The following MED17 variants were observed in gnomAD, a reference collection of about 807,000 sequenced individuals.
The protein encoded by MED17 is mediator of RNA polymerase II transcription subunit 17.
MED17 carries 49 observed loss-of-function variants against 80.8 expected under a neutral mutation model. That is an observed-to-expected ratio of 0.61 (90% CI 0.48 to 0.77). MED17 has a LOEUF of 0.77. MED17 is among the 30% of genes least tolerant of loss of function. The probability of loss-of-function intolerance (pLI) is 0.00; values close to 1 mark genes in which losing one functional copy is unlikely to be tolerated. For missense variants in MED17, 718 were observed against 787.0 expected (o/e 0.91, Z 1.05); for synonymous variants, 281 against 280.4 (o/e 1.00, Z -0.02).
intron 6 of MED17, 87 bp downstream of exon 6, chr11:93,795,147 G>A: frequency 7.1e-7 from 1 of 1,412,786 alleles, no homozygotes. Context: ...GGGTGTATTG[G>A]GAGAATAATG....
At chr11:93,808,091 T>G (rs1944044749) in intron 10 of MED17, 1 of 190,924 alleles carries the variant, frequency 5.2e-6, no homozygotes, top group Admixed American at 5.5e-5. Context: ...AGGCTGGGTA[T>G]GGTGGTTTGC....
chr11:93,808,840 G>C (rs910964747), intron 10 of MED17: 1 of 152,298 alleles, frequency 6.6e-6, no homozygotes, highest in African/African-American at 2.4e-5. Context: ...CTTGCAAATG[G>C]ATAGGGATCA....
At position 93,813,476 on chromosome 11, in the gene MED17, T is replaced by G. The variant is rs981040783; in HGVS notation, c.*1412T>G. The G allele has an allele frequency of 1.3e-5, 2 of 152,206 alleles. No individual in the cohort carries two copies. Among genetic ancestry groups the G allele is most frequent in the Non-Finnish European group, 2.9e-5 (2 of 68,036 alleles). The allele number at this position is 152,206 out of a possible 1,614,324, so 9.4% of individuals were successfully genotyped here. A position where few individuals can be genotyped will look rare whatever the true frequency, so the allele number is the denominator to read the frequency against. On this transcript the variant is annotated 3_prime_UTR_variant, in exon 12 of 12. Transcript: ENST00000251871. ...ATTATTGTTGCCTGCAAAATTTGCC[T>G]TGGTCAATAGGCTAATCTGCACAAT...
Position 93,784,653 on chromosome 11 carries a change from T to C in MED17, c.140T>C (p.Ile47Thr). 6.4e-7 allele frequency: 1 copy of C among 1,569,752 alleles called. No individual in the cohort carries two copies. The highest frequency in any genetic ancestry group is 8.6e-7 in the Non-Finnish European group (1 of 1,158,274). The change falls in exon 1 of 12, where the codon ATA (isoleucine) becomes ACA (threonine). Residue 47 changes from isoleucine (I) to threonine (T), a missense_variant. Physicochemically the swap from Ile to Thr is moderately conservative, Grantham distance 89 (BLOSUM62 -1). Coordinates refer to ENST00000251871, the MANE Select transcript of MED17 (RefSeq NM_004268.5). ...AATCTGGCGCGTCTGGCCCAGCGGA[T>C]AGACTTCAGCCAGGGTTCGGGCTCC... ...SQNLARLAQR[I>T]DFSQGSGSEE...
rs1053647439 is a variant in MED17 at position 93,788,434 on chromosome 11, C to A, written c.417+267C>A. On this transcript the variant is annotated intron_variant, in intron 2 of 11. Coordinates refer to ENST00000251871, the MANE Select transcript of MED17 (RefSeq NM_004268.5). ...TGGTGGCTCACGCCTGTAATCCCAG[C>A]ACTTTGGGAGGCCAAGGCGGGCAGA... 18 of 314,272 alleles carry A rather than the reference C, an allele frequency of 5.7e-5. No homozygotes were observed. In the Admixed American group the frequency reaches 6.9e-4, roughly 12 times the overall value. 19.5% of individuals were successfully genotyped at this position (314,272 alleles called of 1,614,324 possible). A position where few individuals can be genotyped will look rare whatever the true frequency, so the allele number is the denominator to read the frequency against.
intron 3 of MED17, among the ~76,000 whole-genome samples, chr11:93,791,140 G>A (rs907487797): frequency 5.3e-5 from 8 of 152,134 alleles, no homozygotes; most frequent in African/African-American, 1.4e-4. Context: ...TTCTGTGTAA[G>A]TATAATGTTA....
intron 9 of MED17, 70 bp from the exon 10 acceptor site, chr11:93,807,448 G>A (rs552331871): frequency 1.5e-5 from 13 of 895,448 alleles, no homozygotes; most frequent in Middle Eastern, 2.1e-4. Flanking sequence ...TGATGTTAAC[G>A]TTTATTATTT....
chr11:93,790,160 C>T (rs1943818271), intron 2 of MED17: 1 of 261,570 alleles, frequency 3.8e-6, no homozygotes. Context: ...GTGATTTCTG[C>T]CATCATGCAG....
Position 93,784,776 on chromosome 11 carries a change from T to C in MED17, c.250+13T>C. 6.5e-7 allele frequency: 1 copy of C among 1,535,666 alleles called. No homozygotes were observed. The highest frequency in any genetic ancestry group is 8.7e-7 in the Non-Finnish European group (1 of 1,147,128). ...GACGACGAGGAAGGTAAGGCCTGCA[T>C]CCGCTGCCCGAGTCCCCCGGTCTGG... On this transcript the variant is annotated intron_variant, in intron 1 of 11. Transcript: ENST00000251871.
intron 8 of MED17, 66 bp from the exon 9 acceptor site, chr11:93,801,769 A>G: frequency 6.8e-7 from 1 of 1,472,010 alleles, no homozygotes; most frequent in Non-Finnish European, 9.4e-7. Context: ...AAATTTTCGA[A>G]TCATTTATAT....
At chr11:93,793,494 A>G in intron 3 of MED17, 1 of 441,076 alleles carries the variant, frequency 2.3e-6, no homozygotes, top group Non-Finnish European at 4.0e-6. Context: ...TATTATGTTG[A>G]TGTCATTAGA....
chr11:93,794,916 C>T lies in MED17; in HGVS notation c.868C>T (p.His290Tyr). 2.5e-6 allele frequency: 4 copies of T among 1,614,134 alleles called. No individual in the cohort carries two copies. The highest frequency in any genetic ancestry group is 3.4e-6 in the Non-Finnish European group (4 of 1,179,982). The change falls in exon 6 of 12, where the codon CAT becomes TAT. Residue 290 changes from histidine (H) to tyrosine (Y), a missense_variant. Coordinates refer to ENST00000251871, the MANE Select transcript of MED17 (RefSeq NM_004268.5). Reference protein sequence around the residue: ...PLPKSKPGSPHWQTKLEAAQN... With the variant: ...PLPKSKPGSPYWQTKLEAAQN... ...TATTTCTTGTCTTTCAGGTTCCCCA[C>T]ATTGGCAGACAAAATTAGAAGCGGC... is the stretch of plus-strand genomic sequence containing the variant.
rs545729146 is a variant in MED17, at chr11:93,791,973, T to A, written c.637+1180T>A. Among the ~76,000 whole-genome samples, 3 of 152,340 alleles carry A rather than the reference T, an allele frequency of 2.0e-5. No individual in the cohort carries two copies. The South Asian group carries it at 6.2e-4, about 32-fold the overall frequency. On this transcript the variant is annotated intron_variant, in intron 3 of 11. Transcript: ENST00000251871. ...TTGGGGGCATACTAAAGTTTGATGA[T>A]GTTGACTTCATATTTTTTGGTATAA...
At chr11:93,807,691 C>A in intron 10 of MED17, 56 bp downstream of exon 10, 1 of 1,034,898 alleles carries the variant, frequency 9.7e-7, no homozygotes, top group Non-Finnish European at 1.5e-6. Flanking sequence ...ACTTAAAGAA[C>A]AAATTGGTTA....
Position 93,809,770 on chromosome 11 carries a change from G to C in MED17, c.1638G>C (p.Trp546Cys), listed in dbSNP as rs1257541240. Residue 546 changes from tryptophan (W) to cysteine (C), a missense_variant, in exon 11 of 12, where the codon TGG becomes TGC. Trp to Cys is a radical substitution (Grantham distance 215). Transcript: ENST00000251871. ...AGCAACTCGCCAAGGTTATGGGCTG[G>C]CAAGTACTGAGCTTCAGTAATCATG... The part of the protein sequence containing the change: ...AVQQLAKVMG[W>C]QVLSFSNHVG... 6.2e-7 allele frequency: 1 copy of C among 1,614,126 alleles called. No individual in the cohort carries two copies. Among genetic ancestry groups the C allele is most frequent in the Non-Finnish European group, 8.5e-7 (1 of 1,180,008 alleles).
At chr11:93,811,391 C>T (rs1944084223) in intron 11 of MED17, 1 of 174,526 alleles carries the variant, frequency 5.7e-6, no homozygotes, top group Admixed American at 5.6e-5. Flanking sequence ...GGTGAGTGTA[C>T]TAGGCGTGGT....
intron 1 of MED17, among the ~76,000 whole-genome samples, chr11:93,785,120 G>C (rs1000055793): frequency 6.6e-6 from 1 of 152,228 alleles, no homozygotes; most frequent in Non-Finnish European, 1.5e-5. Context: ...CCTTGGGCGA[G>C]TTACTTTGCA....
chr11:93,800,467 A>G (rs192194796), intron 8 of MED17, among the ~76,000 whole-genome samples: 96 of 152,162 alleles, frequency 6.3e-4, no homozygotes, highest in Non-Finnish European at 1.0e-3. Flanking sequence ...CGTTTCTACT[A>G]AAAATAGAAA....
At chr11:93,796,222 A>AT in intron 6 of MED17, 188 bp from the exon 7 acceptor site, 1 of 570,974 alleles carries the variant, frequency 1.8e-6, no homozygotes, top group South Asian at 1.9e-5. Flanking sequence ...ACATGCTGGG[A>AT]TTGCAGGCGT....
Sources: allele counts gnomAD v4.1 joint callset (sites outside exome capture counted in the v4.1 genomes callset), GRCh38; gene constraint gnomAD v4.1.1; transcripts MANE v1.5; gene names NCBI Gene and HGNC (gene_info 2026-07-23, HGNC 2026-07-21).